Variants in SH3RF3 observed in about 807,000 individuals in gnomAD.
SH3RF3 encodes the protein E3 ubiquitin-protein ligase SH3RF3.
SH3RF3 carries 29 observed loss-of-function variants against 66.3 expected under a neutral mutation model. The ratio of observed to expected loss-of-function variants is 0.44; its 90% CI spans 0.33 to 0.60. The LOEUF (loss-of-function observed/expected upper bound fraction) is 0.60. Ranked by LOEUF, SH3RF3 falls within the 20% of genes least tolerant of loss-of-function variation. The probability of loss-of-function intolerance (pLI) is 0.04; values close to 1 mark genes in which losing one functional copy is unlikely to be tolerated. For missense variants in SH3RF3, 1,194 were observed against 1,190.9 expected (o/e 1.00, Z -0.04); for synonymous variants, 583 against 532.0 (o/e 1.10, Z -1.32).
intron 1 of SH3RF3, among the ~76,000 whole-genome samples, chr2:109,160,724 C>G (rs1558932895): frequency 1.3e-5 from 2 of 152,256 alleles, no homozygotes; most frequent in East Asian, 3.9e-4. Flanking sequence ...TGTCCCTGCT[C>G]CTACTCTGGG....
chr2:109,311,497 A>G (rs953935666), intron 1 of SH3RF3, among the ~76,000 whole-genome samples: 1 of 150,590 alleles, frequency 6.6e-6, no homozygotes, highest in African/African-American at 2.5e-5. Context: ...GGCCAGGGCA[A>G]TTAGTCAGGA....
intron 4 of SH3RF3, among the ~76,000 whole-genome samples, chr2:109,403,156 G>T (rs1573223918): frequency 1.3e-5 from 2 of 152,220 alleles, no homozygotes; most frequent in South Asian, 2.1e-4. Flanking sequence ...AGGCACAGGG[G>T]ACACTTCCCT....
chr2:109,156,807 C>T (rs568030483), intron 1 of SH3RF3, among the ~76,000 whole-genome samples: 2 of 152,292 alleles, frequency 1.3e-5, no homozygotes, highest in South Asian at 4.1e-4. Flanking sequence ...CGTAGGCTCT[C>T]TGCTGACCTG....
At chr2:109,267,370 T>G (rs1220150951) in intron 1 of SH3RF3, among the ~76,000 whole-genome samples, 3 of 152,140 alleles carry the variant, frequency 2.0e-5, no homozygotes, top group Non-Finnish European at 4.4e-5. Context: ...AGGTGATCAC[T>G]GTGCGCTTTG....
intron 1 of SH3RF3, among the ~76,000 whole-genome samples, chr2:109,217,381 A>T (rs563091905): frequency 6.6e-6 from 1 of 152,202 alleles, no homozygotes; most frequent in Non-Finnish European, 1.5e-5. Flanking sequence ...CTACAGGTCA[A>T]ATTCCCATCT....
chr2:109,447,289 A>T (rs1677738308), intron 7 of SH3RF3, among the ~76,000 whole-genome samples: 1 of 151,970 alleles, frequency 6.6e-6, no homozygotes, highest in Admixed American at 6.6e-5. Context: ...ACATAATTAG[A>T]TCTCACCAGC....
At position 109,408,821 on chromosome 2, in the gene SH3RF3, T is replaced by G. The variant is rs565933801; in HGVS notation, c.1299+9878T>G. 4.6e-5 allele frequency among the ~76,000 whole-genome samples: 7 copies of G among 152,344 alleles called. 1 individual carries two copies. The East Asian group carries it at 1.4e-3, about 29-fold the overall frequency. On this transcript the variant is annotated intron_variant, in intron 4 of 9. Transcript: ENST00000309415. ...GAATATTGTGCCTTTTATGCAAAGC[T>G]GGATGGAGAAGCCTCTGGCCTGATG... is the stretch of plus-strand genomic sequence containing the variant.
At chr2:109,131,213 T>C (rs1676685264) in intron 1 of SH3RF3, among the ~76,000 whole-genome samples, 1 of 152,146 alleles carries the variant, frequency 6.6e-6, no homozygotes, top group Admixed American at 6.5e-5. Flanking sequence ...CCCTTGGATG[T>C]TGAGCTTGAG....
intron 1 of SH3RF3, among the ~76,000 whole-genome samples, chr2:109,206,176 A>T (rs930739919): frequency 2.6e-5 from 4 of 152,058 alleles, no homozygotes; most frequent in Non-Finnish European, 4.4e-5. Flanking sequence ...ACAGCACTAT[A>T]TTTTTAACTA....
At chr2:109,217,059 T>A (rs1679115420) in intron 1 of SH3RF3, among the ~76,000 whole-genome samples, 1 of 152,214 alleles carries the variant, frequency 6.6e-6, no homozygotes. Context: ...CTTATTTCAC[T>A]CAGCACAGTG....
At chr2:109,474,868 AC>A in intron 8 of SH3RF3, among the ~76,000 whole-genome samples, 1 of 152,224 alleles carries the variant, frequency 6.6e-6, no homozygotes, top group East Asian at 1.9e-4. Flanking sequence ...TAGTCCAGCA[AC>A]CCTCCAGAGC....
At chr2:109,483,441 G>T (rs1262291159) in intron 8 of SH3RF3, among the ~76,000 whole-genome samples, 2 of 152,154 alleles carry the variant, frequency 1.3e-5, no homozygotes, top group East Asian at 3.9e-4. Context: ...GCAAGAAAAG[G>T]TGCTCCCTTC....
At chr2:109,135,458 T>C (rs569993015) in intron 1 of SH3RF3, among the ~76,000 whole-genome samples, 1 of 152,376 alleles carries the variant, frequency 6.6e-6, no homozygotes, top group South Asian at 2.1e-4. Context: ...TGCTATCTGC[T>C]TCTTAGATAA....
At chr2:109,185,238 T>G (rs1246387041) in intron 1 of SH3RF3, among the ~76,000 whole-genome samples, 2 of 152,260 alleles carry the variant, frequency 1.3e-5, no homozygotes, top group African/African-American at 4.8e-5. Context: ...AAGAATAATT[T>G]GACAGGGACA....
chr2:109,162,919 C>T (rs1364545273), intron 1 of SH3RF3, among the ~76,000 whole-genome samples: 2 of 152,140 alleles, frequency 1.3e-5, no homozygotes, highest in Non-Finnish European at 2.9e-5. Context: ...GTGGTAAGAG[C>T]CTCTTGGCTG....
Position 109,501,899 on chromosome 2 carries a change from C to T in SH3RF3, c.*228C>T, listed in dbSNP as rs1337421001. Reference sequence around the variant, plus strand: ...GGATGTTCTTCAAGGAAATGCCCACCCCCTCTGTGGAAACTGCAAAGAAAG... The same window carrying T: ...GGATGTTCTTCAAGGAAATGCCCACTCCCTCTGTGGAAACTGCAAAGAAAG... On this transcript the variant is annotated 3_prime_UTR_variant, in exon 10 of 10. Transcript: ENST00000309415. 3.9e-6 allele frequency: 2 copies of T among 514,134 alleles called. No individual in the cohort carries two copies. The highest frequency in any genetic ancestry group is 3.1e-5 in the Admixed American group (1 of 31,746). The allele number at this position is 514,134 out of a possible 1,614,324, so 31.8% of individuals were successfully genotyped here. A position where few individuals can be genotyped will look rare whatever the true frequency, so the allele number is the denominator to read the frequency against.
intron 3 of SH3RF3, among the ~76,000 whole-genome samples, chr2:109,375,064 T>TA (rs1683350189): frequency 6.6e-6 from 1 of 152,168 alleles, no homozygotes; most frequent in Non-Finnish European, 1.5e-5. Context: ...GCCCTGGACA[T>TA]ACGTACATTT....
intron 8 of SH3RF3, among the ~76,000 whole-genome samples, chr2:109,464,994 C>G (rs747516496): frequency 4.6e-5 from 7 of 152,238 alleles, no homozygotes; most frequent in Non-Finnish European, 7.3e-5. Context: ...CATCTAACTC[C>G]TGGCAACCAC....
At chr2:109,257,870 GAC>G (rs986249747) in intron 1 of SH3RF3, among the ~76,000 whole-genome samples, 2 of 152,230 alleles carry the variant, frequency 1.3e-5, no homozygotes, top group African/African-American at 4.8e-5. Flanking sequence ...AGTAAACACA[GAC>G]AGAGCACACT....
Sources: gnomAD v4.1 joint callset for allele counts (sites outside exome capture counted in the v4.1 genomes callset) on GRCh38, gnomAD v4.1.1 for gene constraint, MANE v1.5 for transcripts, NCBI Gene and HGNC (gene_info 2026-07-23, HGNC 2026-07-21) for gene names.